Variants in PDHA1 observed in about 807,000 individuals in gnomAD.
PDHA1 encodes pyruvate dehydrogenase E1 component subunit alpha, somatic form, mitochondrial.
A neutral mutation model predicts 33.0 loss-of-function variants in PDHA1; 1 was observed. The observed-to-expected ratio is 0.03, with a 90% confidence interval of 0.01 to 0.14. PDHA1 has a LOEUF of 0.14. PDHA1 is among the 10% of genes least tolerant of loss of function. The probability of loss-of-function intolerance (pLI) is 1.00; values close to 1 mark genes in which losing one functional copy is unlikely to be tolerated. For synonymous variants in PDHA1, 123 were observed against 119.2 expected (o/e 1.03, Z -0.21); for missense variants, 168 against 325.1 (o/e 0.52, Z 3.72).
chrX:19,355,667 C>T lies in PDHA1; in HGVS notation c.760-19C>T. 3.4e-6 allele frequency: 4 copies of T among 1,191,930 alleles called. No individual in the cohort carries two copies. The highest frequency in any genetic ancestry group is 1.1e-6 in the Non-Finnish European group (1 of 878,308). On this transcript the variant is annotated intron_variant, in intron 7 of 10. Coordinates refer to ENST00000422285, the MANE Select transcript of PDHA1 (RefSeq NM_000284.4). ...GGGCAGTTGGATTCATGCTTCGCCCCTCCCCTGTTTATTACCAGGTGGATG... is the reference window on the plus strand; with the variant it reads ...GGGCAGTTGGATTCATGCTTCGCCCTTCCCCTGTTTATTACCAGGTGGATG...
chrX:19,357,168 C>T (rs1366359678), intron 8 of PDHA1, among the ~76,000 whole-genome samples: 1 of 112,306 alleles, frequency 8.9e-6, no homozygotes, highest in Non-Finnish European at 1.9e-5. Flanking sequence ...CGCGCAGTGG[C>T]ACACTCACAG....
rs746677396 is a variant in PDHA1 at position 19,353,223 on chromosome X, T to G, written c.510+50T>G. The G allele has an allele frequency of 2.2e-5, 22 of 1,021,591 alleles. No individual in the cohort carries two copies. The East Asian group carries it at 4.5e-4, about 21-fold the overall frequency. 84.2% of individuals were successfully genotyped at this position (1,021,591 alleles called of 1,213,427 possible). ...CTGCTTTAGATTTGGCCCTGGACTT[T>G]GTCTTCAAAAACTTTCACAGCCCCA... On this transcript the variant is annotated intron_variant, in intron 5 of 10. Transcript: ENST00000422285.
At position 19,360,241 on chromosome X, in the gene PDHA1, C is replaced by G. The variant is rs1312926931; in HGVS notation, c.*588C>G. ...TCAAACATTAACTACAAGGCACATT[C>G]GTATCAGTTTTGTGTTTCTCAAATT... On this transcript the variant is annotated 3_prime_UTR_variant, in exon 11 of 11. Transcript: ENST00000422285. The G allele has an allele frequency of 7.6e-6, 1 of 132,069 alleles. No homozygotes were observed. Among genetic ancestry groups the G allele is most frequent in the Non-Finnish European group, 1.5e-5 (1 of 66,126 alleles). The allele number at this position is 132,069 out of a possible 1,213,427, so 10.9% of individuals were successfully genotyped here. A position where few individuals can be genotyped will look rare whatever the true frequency, so the allele number is the denominator to read the frequency against.
intron 1 of PDHA1, among the ~76,000 whole-genome samples, chrX:19,345,226 G>C (rs1195150861): frequency 9.0e-6 from 1 of 110,832 alleles, no homozygotes; most frequent in Admixed American, 9.6e-5. Context: ...TACAGGCAGA[G>C]ATTGTCAAAA....
In PDHA1 at chrX:19,343,937, A is replaced by G. The variant is rs1364667975; in HGVS notation, c.-101A>G. On this transcript the variant is annotated 5_prime_UTR_variant, in exon 1 of 11. Coordinates refer to ENST00000422285, the MANE Select transcript of PDHA1 (RefSeq NM_000284.4). ...ACTCTGTCACGCCGCGGTGCGACTG[A>G]GGCGTGGCGTCTGCTGGGGCACCTG... The G allele has an allele frequency of 2.6e-6, 2 of 756,442 alleles. No homozygotes were observed. Among genetic ancestry groups the G allele is most frequent in the South Asian group, 2.2e-5 (1 of 45,886 alleles). 62.3% of individuals were successfully genotyped at this position (756,442 alleles called of 1,213,427 possible). A position where few individuals can be genotyped will look rare whatever the true frequency, so the allele number is the denominator to read the frequency against.
rs762505127 is a variant in PDHA1 at position 19,359,651 on chromosome X, TAAGGGG to T, written c.1173_*5del. 6.6e-5 allele frequency: 79 copies of T among 1,205,774 alleles called. No homozygotes were observed. Among genetic ancestry groups the T allele is most frequent in the Non-Finnish European group, 8.7e-5 (78 of 891,931 alleles). On this transcript the variant is annotated stop_retained_variant and 3_prime_UTR_variant, in exon 11 of 11. Transcript: ENST00000422285. ...GTGGATCAAGTTTAAGTCAGTCAGTTAAGGGGAGGAGAAGGAGAGGTTATACCTTCA... is the reference window on the plus strand; with the variant it reads ...GTGGATCAAGTTTAAGTCAGTCAGTTAGGAGAAGGAGAGGTTATACCTTCA...
Position 19,357,327 on chromosome X carries a change from C to T in PDHA1, c.832-325C>T, listed in dbSNP as rs964598920. ...TCCAGGCTAGTCTCGAACTCCTGGG[C>T]GCAAGTGCTCTGCCCACCTCAGCTT... On this transcript the variant is annotated intron_variant, in intron 8 of 10. Coordinates refer to ENST00000422285, the MANE Select transcript of PDHA1 (RefSeq NM_000284.4). The T allele has an allele frequency of 1.5e-4, 43 of 284,644 alleles. 1 individual carries two copies. The highest frequency in any genetic ancestry group is 1.7e-4 in the Non-Finnish European group (27 of 157,893). 23.5% of individuals were successfully genotyped at this position (284,644 alleles called of 1,213,427 possible). A position where few individuals can be genotyped will look rare whatever the true frequency, so the allele number is the denominator to read the frequency against.
At chrX:19,356,531 T>G (rs12008513) in intron 8 of PDHA1, among the ~76,000 whole-genome samples, 24,014 of 110,908 alleles carry the variant, frequency 0.22, 5,027 homozygotes, top group African/African-American at 0.66. Flanking sequence ...GGACCAAGAC[T>G]ACAGCTTGGG....
intron 5 of PDHA1, 79 bp downstream of exon 5, chrX:19,353,252 A>T (rs184970553): frequency 1.3e-6 from 1 of 773,132 alleles, no homozygotes; most frequent in Non-Finnish European, 2.0e-6. Flanking sequence ...AGCCCCAGAC[A>T]ACTTTTCCTG....
chrX:19,358,131 C>G (rs1415132466), intron 9 of PDHA1, among the ~76,000 whole-genome samples: 2 of 111,640 alleles, frequency 1.8e-5, no homozygotes, highest in Admixed American at 9.5e-5. Context: ...CTAAGGGTAA[C>G]TGGGTGTTCA....
At position 19,360,623 on chromosome X, in the gene PDHA1, A is replaced by T. The variant is rs2063271633; in HGVS notation, c.*970A>T. 1 of 511,310 alleles carries T rather than the reference A, an allele frequency of 2.0e-6. No homozygotes were observed. The highest frequency in any genetic ancestry group is 3.3e-6 in the Non-Finnish European group (1 of 304,107). 42.1% of individuals were successfully genotyped at this position (511,310 alleles called of 1,213,427 possible). A position where few individuals can be genotyped will look rare whatever the true frequency, so the allele number is the denominator to read the frequency against. On this transcript the variant is annotated 3_prime_UTR_variant, in exon 11 of 11. Transcript: ENST00000422285. ...GGACAGTATTTAAAACAAGTTCTTA[A>T]ACTATTAATTGAACAATGGCATTTT...
At chrX:19,357,519 G>A (rs761321880) in intron 8 of PDHA1, 133 bp from the exon 9 acceptor site, 105 of 569,872 alleles carry the variant, frequency 1.8e-4, no homozygotes, top group Non-Finnish European at 3.0e-4. Flanking sequence ...TAAGAAATTC[G>A]TGACAACTCA....
chrX:19,356,225 A>G (rs2063198035), intron 8 of PDHA1, among the ~76,000 whole-genome samples: 1 of 111,687 alleles, frequency 9.0e-6, no homozygotes, highest in African/African-American at 3.3e-5. Context: ...TTCCCTTTTC[A>G]GTGTATGGCA....
At chrX:19,354,770 T>G (rs751166696) in intron 6 of PDHA1, among the ~76,000 whole-genome samples, 187 bp downstream of exon 6, 1 of 113,019 alleles carries the variant, frequency 8.8e-6, no homozygotes, top group Admixed American at 9.3e-5. Context: ...ACAAGAGACT[T>G]ACGGGGGCAC....
At chrX:19,358,869 A>G in intron 9 of PDHA1, 47 bp from the exon 10 acceptor site, 1 of 726,467 alleles carries the variant, frequency 1.4e-6, no homozygotes, top group Non-Finnish European at 2.2e-6. Context: ...TCCTTGCTCT[A>G]CTGGAACTGC....
At chrX:19,356,026 T>C (rs1054983384) in intron 8 of PDHA1, among the ~76,000 whole-genome samples, 2 of 112,026 alleles carry the variant, frequency 1.8e-5, no homozygotes, top group Non-Finnish European at 3.8e-5. Flanking sequence ...GCCTTTTCCT[T>C]AGGTTAATTC....
At position 19,353,189 on chromosome X, in the gene PDHA1, G is replaced by T; in HGVS notation, c.510+16G>T. On this transcript the variant is annotated intron_variant, in intron 5 of 10. Coordinates refer to ENST00000422285, the MANE Select transcript of PDHA1 (RefSeq NM_000284.4). ...GGGAGCGCAGGTAGTCAAGGACGAG[G>T]ATTGTGTGCTGCTTTAGATTTGGCC... 2.6e-6 allele frequency: 3 copies of T among 1,150,462 alleles called. No homozygotes were observed. The highest frequency in any genetic ancestry group is 3.6e-6 in the Non-Finnish European group (3 of 839,214). The allele number at this position is 1,150,462 out of a possible 1,213,427, so 94.8% of individuals were successfully genotyped here. A position where few individuals can be genotyped will look rare whatever the true frequency, so the allele number is the denominator to read the frequency against.
Position 19,351,181 on chromosome X carries a change from C to T in PDHA1, c.292-100C>T. On this transcript the variant is annotated intron_variant, in intron 3 of 10. Coordinates refer to ENST00000422285, the MANE Select transcript of PDHA1 (RefSeq NM_000284.4). ...AGCTACTTTCTCTGGTTATTAATGA[C>T]AGGTTCTACTAGCCCACATATTTCA... The T allele has an allele frequency of 3.6e-6, 3 of 829,373 alleles. No individual in the cohort carries two copies. The South Asian group carries it at 6.5e-5, about 18-fold the overall frequency. 68.3% of individuals were successfully genotyped at this position (829,373 alleles called of 1,213,427 possible). A position where few individuals can be genotyped will look rare whatever the true frequency, so the allele number is the denominator to read the frequency against.
chrX:19,345,745 T>TCCCC (rs745880160), intron 1 of PDHA1: 17 of 204,993 alleles, frequency 8.3e-5, no homozygotes, highest in African/African-American at 7.8e-4. Flanking sequence ...GTTTGCAGGG[T>TCCCC]CCCCCCCCCC....
Sources: gnomAD v4.1 joint callset for allele counts (sites outside exome capture counted in the v4.1 genomes callset) on GRCh38, gnomAD v4.1.1 for gene constraint, MANE v1.5 for transcripts, NCBI Gene and HGNC (gene_info 2026-07-23, HGNC 2026-07-21) for gene names.